The following TERB1 variants were observed in gnomAD, a reference collection of about 807,000 sequenced individuals.
TERB1 encodes telomere repeats-binding bouquet formation protein 1.
A neutral mutation model predicts 92.3 loss-of-function variants in TERB1; 63 were observed. The observed-to-expected ratio is 0.68, with a 90% CI of 0.56 to 0.84. TERB1 has a LOEUF of 0.84. Ranked by LOEUF, TERB1 falls within the 40% of genes least tolerant of loss-of-function variation. The pLI, the probability that TERB1 is intolerant of heterozygous loss-of-function variation, is 0.00. For missense variants in TERB1, 709 were observed against 843.7 expected (o/e 0.84, Z 1.98); for synonymous variants, 252 against 283.9 (o/e 0.89, Z 1.13).
In TERB1 at chr16:66,794,783, G is replaced by A. The variant is rs942444804; in HGVS notation, c.31+1985C>T. ...AAATTAGCTGGGCGTGGTGGTGGGC[G>A]CCTGCAGTCCCAGCTACTTGGGAGG... On this transcript the variant is annotated intron_variant, in intron 3 of 18. Transcript: ENST00000433154. Among the ~76,000 whole-genome samples, 8 of 152,058 alleles carry A rather than the reference G, an allele frequency of 5.3e-5. No individual in the cohort carries two copies. In the East Asian group the frequency reaches 5.8e-4, roughly 11 times the overall value.
intron 9 of TERB1, among the ~76,000 whole-genome samples, chr16:66,783,709 G>C (rs1023728746): frequency 3.9e-5 from 6 of 152,092 alleles, no homozygotes; most frequent in African/African-American, 1.4e-4. Context: ...CTAAGGTTTT[G>C]TTTTGCGTTT....
At chr16:66,780,067 A>G (rs2018611591) in intron 9 of TERB1, among the ~76,000 whole-genome samples, 1 of 152,134 alleles carries the variant, frequency 6.6e-6, no homozygotes, top group Non-Finnish European at 1.5e-5. Flanking sequence ...GGGTTTGACC[A>G]TGTTCCCCAG....
At position 66,786,265 on chromosome 16, in the gene TERB1, T is replaced by C; in HGVS notation, c.421A>G (p.Arg141Gly). The C allele has an allele frequency of 6.5e-7, 1 of 1,549,306 alleles. No individual in the cohort carries two copies. The highest frequency in any genetic ancestry group is 8.7e-7 in the Non-Finnish European group (1 of 1,145,862). ...SNNRTGQTLV[R>G]ETGCITVLSR... Reference sequence around the variant, plus strand: ...AGAACTGTAATACAACCTGTTTCTCTCACAAGTGTTTGTCCGGTCCCTTAA... The same window carrying C: ...AGAACTGTAATACAACCTGTTTCTCCCACAAGTGTTTGTCCGGTCCCTTAA... The change falls in exon 7 of 19, where the codon AGA (arginine) becomes GGA (glycine). Residue 141 changes from arginine (R) to glycine (G), a missense_variant. Physicochemically the swap from Arg to Gly is moderately radical, Grantham distance 125. Coordinates refer to ENST00000433154, the MANE Select transcript of TERB1 (RefSeq NM_001136505.2).
Position 66,769,945 on chromosome 16 carries a change from A to G in TERB1, c.1619+18T>C. ...CTTGCTGAATAAATAAAAGTTACACACAATTATTAAACTATACCTTGATTG... is the reference window on the plus strand; with the variant it reads ...CTTGCTGAATAAATAAAAGTTACACGCAATTATTAAACTATACCTTGATTG... On this transcript the variant is annotated intron_variant, in intron 14 of 18. Transcript: ENST00000433154. 6.7e-7 allele frequency: 1 copy of G among 1,493,204 alleles called. No individual in the cohort carries two copies. The highest frequency in any genetic ancestry group is 2.5e-5 in the East Asian group (1 of 40,612). The allele number at this position is 1,493,204 out of a possible 1,614,324, so 92.5% of individuals were successfully genotyped here.
Position 66,759,266 on chromosome 16 carries a change from A to G in TERB1, c.1805T>C (p.Leu602Pro). 1 of 1,542,424 alleles carries G rather than the reference A, an allele frequency of 6.5e-7. No individual in the cohort carries two copies. The highest frequency in any genetic ancestry group is 8.7e-7 in the Non-Finnish European group (1 of 1,144,826). ...GAGCTTGCTAAAGTTTCGGCTATTC[A>G]GGGATTTTTCTACTGCTATGCAACC... ...CSGCIAVEKSLNSRNFSKLLH... is the reference protein window; with the variant it reads ...CSGCIAVEKSPNSRNFSKLLH... Residue 602 changes from leucine to proline, a missense_variant, in exon 17 of 19, where the codon CTG becomes CCG. Transcript: ENST00000433154.
At chr16:66,775,271 GT>G (rs1339536127) in intron 11 of TERB1, 28 bp from the exon 12 acceptor site, 17 of 1,529,930 alleles carry the variant, frequency 1.1e-5, no homozygotes, top group Non-Finnish European at 1.8e-6. Context: ...AGAGGACAAT[GT>G]TTTTTATCAT....
chr16:66,770,117 CA>C lies in TERB1; in HGVS notation c.1464del (p.Asp488GlufsTer4). ...CTCTTTAACGGTGTCTTCATTTGGT[CA>C]TCATTTGTACATGCTTTAGACATGA... ...HGVMSKACTN[D>X]DQMKTPLKSA... On this transcript the variant is annotated frameshift_variant, in exon 14 of 19. Coordinates refer to ENST00000433154, the MANE Select transcript of TERB1 (RefSeq NM_001136505.2). LOFTEE classifies it high-confidence loss of function. The C allele has an allele frequency of 6.4e-7, 1 of 1,552,180 alleles. No individual in the cohort carries two copies. The highest frequency in any genetic ancestry group is 8.7e-7 in the Non-Finnish European group (1 of 1,147,106).
intron 9 of TERB1, among the ~76,000 whole-genome samples, chr16:66,781,289 T>G (rs1332905083): frequency 1.3e-5 from 2 of 152,212 alleles, no homozygotes; most frequent in Non-Finnish European, 2.9e-5. Flanking sequence ...ACTCCTGGGC[T>G]CAAGCGATTC....
upstream of TERB1, among the ~76,000 whole-genome samples, chr16:66,802,002 G>T (rs1193424593): frequency 6.6e-6 from 1 of 152,182 alleles, no homozygotes; most frequent in Non-Finnish European, 1.5e-5. Context: ...ACCTCACCAG[G>T]GGGCTTCCGG....
intron 18 of TERB1, among the ~76,000 whole-genome samples, chr16:66,756,307 C>T (rs1033721599): frequency 1.8e-4 from 28 of 152,242 alleles, no homozygotes; most frequent in African/African-American, 6.7e-4. Context: ...CAGTTCAGAC[C>T]TTTTAAAACA....
At position 66,772,745 on chromosome 16, in the gene TERB1, C is replaced by A; in HGVS notation, c.1116G>T (p.Glu372Asp). 2 of 1,539,626 alleles carry A rather than the reference C, an allele frequency of 1.3e-6. No homozygotes were observed. Among genetic ancestry groups the A allele is most frequent in the Non-Finnish European group, 1.8e-6 (2 of 1,142,478 alleles). Residue 372 changes from glutamate to aspartate, a missense_variant, in exon 13 of 19, where the codon GAG becomes GAT. Transcript: ENST00000433154. ...FVLHNCKKIT[E>D]KLSLSLGEYP... The stretch of plus-strand genomic sequence containing the variant: ...ATTCTCCTAGACTTAGAGATAATTT[C>A]TCAGCTTTGTAGTATGGGAAAAAAC...
chr16:66,796,000 T>C (rs2018924498), intron 3 of TERB1, among the ~76,000 whole-genome samples: 1 of 152,192 alleles, frequency 6.6e-6, no homozygotes, highest in African/African-American at 2.4e-5. Flanking sequence ...TCCCCCACTT[T>C]GGCCTCCCAA....
intron 9 of TERB1, among the ~76,000 whole-genome samples, chr16:66,781,969 C>T (rs943522216): frequency 3.3e-5 from 5 of 152,066 alleles, no homozygotes; most frequent in Non-Finnish European, 7.4e-5. Flanking sequence ...TTTTTGTGTC[C>T]TTAGAAACCT....
At chr16:66,786,660 C>T (rs935647614) in intron 6 of TERB1, among the ~76,000 whole-genome samples, 1 of 152,128 alleles carries the variant, frequency 6.6e-6, no homozygotes, top group Non-Finnish European at 1.5e-5. Context: ...GGCAAGAAGG[C>T]GCCTCCTCAG....
intron 10 of TERB1, among the ~76,000 whole-genome samples, chr16:66,778,520 C>T (rs1659929667): frequency 6.6e-6 from 1 of 152,114 alleles, no homozygotes; most frequent in African/African-American, 2.4e-5. Flanking sequence ...CAGGTTCAAG[C>T]GATTCTCTTG....
chr16:66,761,654 G>A (rs2018252651), intron 16 of TERB1, among the ~76,000 whole-genome samples: 1 of 151,966 alleles, frequency 6.6e-6, no homozygotes, highest in Non-Finnish European at 1.5e-5. Context: ...CGGGTGTGGT[G>A]GCACACATCT....
intron 11 of TERB1, among the ~76,000 whole-genome samples, chr16:66,776,477 T>G (rs1309334720): frequency 6.6e-6 from 1 of 151,676 alleles, no homozygotes; most frequent in Non-Finnish European, 1.5e-5. Flanking sequence ...GTATAATCAA[T>G]CCTAAATTAC....
At chr16:66,800,078 G>A (rs1342166553) in intron 2 of TERB1, 2 of 152,152 alleles carry the variant, frequency 1.3e-5, no homozygotes, top group Non-Finnish European at 2.9e-5. Flanking sequence ...AAAAGCTTTT[G>A]GGGGGCCGGG....
intron 10 of TERB1, among the ~76,000 whole-genome samples, 198 bp from the exon 11 acceptor site, chr16:66,777,532 G>A (rs1193036760): frequency 1.3e-5 from 2 of 151,960 alleles, no homozygotes; most frequent in African/African-American, 2.4e-5. Context: ...ATAAGATGGC[G>A]GCCTATTACT....
Sources: gnomAD v4.1 joint callset for allele counts (sites outside exome capture counted in the v4.1 genomes callset) on GRCh38, gnomAD v4.1.1 for gene constraint, MANE v1.5 for transcripts, NCBI Gene and HGNC (gene_info 2026-07-23, HGNC 2026-07-21) for gene names.